Variants in EZH1 observed in about 807,000 individuals in gnomAD.
EZH1 encodes enhancer of zeste 1 polycomb repressive complex 2 subunit, also known as histone-lysine N-methyltransferase EZH1.
EZH1 carries 33 observed loss-of-function variants against 100.5 expected under a neutral mutation model. The observed-to-expected ratio is 0.33, with a 90% CI of 0.25 to 0.44. The LOEUF is 0.44. EZH1 is among the 20% of genes least tolerant of loss of function. The pLI is 1.00. For missense variants in EZH1, 475 were observed against 928.4 expected, an observed-to-expected ratio of 0.51 and a Z score of 6.35; for synonymous variants, 272 against 313.8, an observed-to-expected ratio of 0.87 and a Z score of 1.41.
chr17:42,738,260 TA>T, intron 1 of EZH1, among the ~76,000 whole-genome samples: 1 of 151,868 alleles, frequency 6.6e-6, no homozygotes, highest in South Asian at 2.1e-4. Flanking sequence ...TCCAAACTAT[TA>T]AATTTTTTCA....
chr17:42,713,749 C>T (rs2053537184), intron 10 of EZH1, among the ~76,000 whole-genome samples: 1 of 152,174 alleles, frequency 6.6e-6, no homozygotes, highest in African/African-American at 2.4e-5. Flanking sequence ...GCACATGTCA[C>T]CATGCCCAGC....
chr17:42,732,235 G>A (rs2143851220), intron 1 of EZH1, among the ~76,000 whole-genome samples: 1 of 152,332 alleles, frequency 6.6e-6, no homozygotes, highest in South Asian at 2.1e-4. Context: ...GTCAAGGCAG[G>A]AGGGTTGCTA....
At chr17:42,722,567 G>A (rs1175694873) in intron 6 of EZH1, among the ~76,000 whole-genome samples, 2 of 146,940 alleles carry the variant, frequency 1.4e-5, no homozygotes, top group Admixed American at 6.9e-5. Context: ...AGAGATTGCA[G>A]TGAGCCTAGA....
In EZH1 at chr17:42,718,597, ATC is replaced by A; in HGVS notation, c.786_787del (p.Glu262AspfsTer42). ...AGGGGGAAGTGCATTGGGGTCTGAC[ATC>A]TCTGTTAGTTCTCGATACCTATTTA... On this transcript the variant is annotated frameshift_variant, in exon 9 of 21. Coordinates refer to ENST00000428826, the MANE Select transcript of EZH1 (RefSeq NM_001991.5). LOFTEE classifies it high-confidence loss of function. The surrounding 1 kb of genome is among the most constrained non-coding windows in gnomAD (Gnocchi z 4.2). 1 of 1,614,202 alleles carries A rather than the reference ATC, an allele frequency of 6.2e-7. No homozygotes were observed. Among genetic ancestry groups the A allele is most frequent in the Non-Finnish European group, 8.5e-7 (1 of 1,180,032 alleles).
At chr17:42,720,633 A>G (rs2053687038) in intron 6 of EZH1, among the ~76,000 whole-genome samples, 184 bp from the exon 7 acceptor site, 1 of 152,178 alleles carries the variant, frequency 6.6e-6, no homozygotes, top group South Asian at 2.1e-4. Flanking sequence ...AGCTGGCTAG[A>G]GTAGGAATAC....
rs1597817855 is a variant in EZH1, at chr17:42,702,218, C to A, written c.*314G>T. The A allele has an allele frequency of 3.3e-6, 1 of 301,080 alleles. No homozygotes were observed. Among genetic ancestry groups the A allele is most frequent in the East Asian group, 5.4e-5 (1 of 18,412 alleles). The allele number at this position is 301,080 out of a possible 1,614,324, so 18.7% of individuals were successfully genotyped here. ...CTAAGTTGATTCCTGAGGCCACAGCCTGGGGAGCCGACACGAAATCACGCA... is the reference window on the plus strand; with the variant it reads ...CTAAGTTGATTCCTGAGGCCACAGCATGGGGAGCCGACACGAAATCACGCA... On this transcript the variant is annotated 3_prime_UTR_variant, in exon 21 of 21. Coordinates refer to ENST00000428826, the MANE Select transcript of EZH1 (RefSeq NM_001991.5).
intron 1 of EZH1, among the ~76,000 whole-genome samples, chr17:42,741,215 T>C (rs984277857): frequency 4.6e-5 from 7 of 152,236 alleles, no homozygotes; most frequent in African/African-American, 1.4e-4. Context: ...ATAGAAATAG[T>C]GAACAAAGTG....
intron 16 of EZH1, chr17:42,705,758 T>C: frequency 3.1e-6 from 1 of 317,588 alleles, no homozygotes; most frequent in Non-Finnish European, 5.8e-6. Flanking sequence ...GACCTCATGA[T>C]CCGCTGGCCT....
In EZH1 at chr17:42,720,390, G is replaced by A; in HGVS notation, c.547C>T (p.Leu183=). The A allele has an allele frequency of 6.2e-7, 1 of 1,614,022 alleles. No homozygotes were observed. The highest frequency in any genetic ancestry group is 8.5e-7 in the Non-Finnish European group (1 of 1,179,994). ...TCCTCCTCATCTGAGTACTGATTCA[G>A]GGCATCGACCAACTCCAGAAAAACA... ...DAVFLELVDA[L]NQYSDEEEEG... Residue 183 remains leucine, a synonymous_variant, in exon 7 of 21, where the codon CTG becomes TTG. Transcript: ENST00000428826.
chr17:42,711,621 G>C (rs2143748439), intron 12 of EZH1, among the ~76,000 whole-genome samples: 1 of 150,680 alleles, frequency 6.6e-6, no homozygotes, highest in South Asian at 2.1e-4. Flanking sequence ...ACTCCAGCCT[G>C]GGCAACAGAG....
At chr17:42,727,992 T>G (rs2053856938) in intron 3 of EZH1, among the ~76,000 whole-genome samples, 1 of 151,586 alleles carries the variant, frequency 6.6e-6, no homozygotes, top group African/African-American at 2.4e-5. Context: ...AATTTTTGTA[T>G]TTTTGGTAGA....
intron 18 of EZH1, among the ~76,000 whole-genome samples, chr17:42,704,293 C>G (rs2053304674): frequency 6.6e-6 from 1 of 152,150 alleles, no homozygotes; most frequent in Non-Finnish European, 1.5e-5. Context: ...AATCCTAGCA[C>G]TTTGGGAGGC....
At chr17:42,738,175 C>CAAA (rs1175336340) in intron 1 of EZH1, among the ~76,000 whole-genome samples, 7 of 57,170 alleles carry the variant, frequency 1.2e-4, no homozygotes, top group Non-Finnish European at 1.5e-4. Flanking sequence ...GACTCTGTCT[C>CAAA]AAAAAAAAAA....
intron 6 of EZH1, among the ~76,000 whole-genome samples, chr17:42,721,688 AAAAG>A (rs914499024): frequency 1.3e-5 from 2 of 152,066 alleles, no homozygotes; most frequent in African/African-American, 4.8e-5. Flanking sequence ...ATAAAAAAAA[AAAAG>A]AAAGAAAGAA....
At chr17:42,736,234 A>T (rs574938056) in intron 1 of EZH1, among the ~76,000 whole-genome samples, 4 of 152,340 alleles carry the variant, frequency 2.6e-5, no homozygotes, top group African/African-American at 9.6e-5. Flanking sequence ...TGATATAGCC[A>T]CTGTGGAAGG....
chr17:42,707,408 T>C (rs1296167382), intron 15 of EZH1, among the ~76,000 whole-genome samples: 3 of 152,190 alleles, frequency 2.0e-5, no homozygotes, highest in Non-Finnish European at 4.4e-5. Context: ...ACTACAAGCA[T>C]GTACCACCAT....
intron 10 of EZH1, among the ~76,000 whole-genome samples, chr17:42,715,853 C>T (rs541205218): frequency 9.9e-5 from 15 of 152,080 alleles, no homozygotes; most frequent in Non-Finnish European, 1.8e-4. Flanking sequence ...TCAAGACCAG[C>T]CTGACCAACA....
chr17:42,729,215 TG>T (rs2143836130), intron 2 of EZH1: 1 of 298,156 alleles, frequency 3.4e-6, no homozygotes, highest in South Asian at 3.8e-5. Context: ...GAGACAACCT[TG>T]GGCAACATGG....
intron 1 of EZH1, among the ~76,000 whole-genome samples, chr17:42,742,990 C>A (rs892742845): frequency 6.6e-6 from 1 of 152,012 alleles, no homozygotes; most frequent in Non-Finnish European, 1.5e-5. Flanking sequence ...GTGCCTCAAC[C>A]CCCTGAATAG....
Sources: gnomAD v4.1 joint callset for allele counts (sites outside exome capture counted in the v4.1 genomes callset) on GRCh38, gnomAD v4.1.1 for gene constraint, Gnocchi (gnomAD v3.1) non-coding constraint, MANE v1.5 for transcripts, NCBI Gene and HGNC (gene_info 2026-07-23, HGNC 2026-07-21) for gene names.